The following THSD7A variants were observed in gnomAD, a reference collection of about 807,000 sequenced individuals.
THSD7A encodes thrombospondin type-1 domain-containing protein 7A.
In THSD7A, 96 loss-of-function variants were observed where a neutral mutation model predicts 231.3. The observed-to-expected ratio is 0.41, with a 90% CI of 0.35 to 0.49. The LOEUF (loss-of-function observed/expected upper bound fraction) is 0.49, where lower values mean the gene tolerates loss of function less well. Among genes scored for constraint, THSD7A ranks in the 20% least tolerant of loss-of-function variants. The pLI, the probability that THSD7A is intolerant of heterozygous loss-of-function variation, is 0.05. For synonymous variants in THSD7A, 940 were observed against 743.3 expected, an observed-to-expected ratio of 1.26 and a Z score of -4.30; for missense variants, 2,290 against 2,070.2, an observed-to-expected ratio of 1.11 and a Z score of -2.06.
In THSD7A at chr7:11,814,361, A is replaced by G. The variant is rs1206159849; in HGVS notation, c.190+17396T>C. 6.6e-6 allele frequency among the ~76,000 whole-genome samples: 1 copy of G among 152,210 alleles called. No individual in the cohort carries two copies. The highest frequency in any genetic ancestry group is 1.5e-5 in the Non-Finnish European group (1 of 68,038). On this transcript the variant is annotated intron_variant, in intron 1 of 27. Coordinates refer to ENST00000423059, the MANE Select transcript of THSD7A (RefSeq NM_015204.3). The surrounding 1 kb of genome is among the most constrained non-coding windows in gnomAD (Gnocchi z 5.1). ...AGCACGTGACAAACAAAGGAGATTC[A>G]TCTCATTTATAATAACATGGCACAA...
intron 1 of THSD7A, among the ~76,000 whole-genome samples, chr7:11,683,150 C>T (rs760190560): frequency 2.0e-5 from 3 of 150,702 alleles, no homozygotes; most frequent in Non-Finnish European, 4.4e-5. Flanking sequence ...AAAATCATGC[C>T]AAGCATATTC....
In THSD7A at chr7:11,417,715, C is replaced by T. The variant is rs190255170; in HGVS notation, c.3384-112G>A. 186 of 1,078,524 alleles carry T rather than the reference C, an allele frequency of 1.7e-4. No homozygotes were observed. The African/African-American group carries it at 2.6e-3, about 15-fold the overall frequency. The allele number at this position is 1,078,524 out of a possible 1,614,324, so 66.8% of individuals were successfully genotyped here. A position where few individuals can be genotyped will look rare whatever the true frequency, so the allele number is the denominator to read the frequency against. On this transcript the variant is annotated intron_variant, in intron 16 of 27. Transcript: ENST00000423059. ...GGACAGATGGTTCTCCTTAAGACAT[C>T]GTTATGGGGGTGGGGAGTAGGAAGC... is the stretch of plus-strand genomic sequence containing the variant.
rs74837781 is a variant in THSD7A, at chr7:11,620,985, C to T, written c.1022+15145G>A. On this transcript the variant is annotated intron_variant, in intron 2 of 27. Transcript: ENST00000423059. Reference sequence around the variant, plus strand: ...GCTCCCTCGGCTCTAGACTACCAGCCTCATAATGAAATGGGAGGTAAAATG... The same window carrying T: ...GCTCCCTCGGCTCTAGACTACCAGCTTCATAATGAAATGGGAGGTAAAATG... Among the ~76,000 whole-genome samples, 525 of 152,246 alleles carry T rather than the reference C, an allele frequency of 3.4e-3. 2 individuals are homozygous for T. Among genetic ancestry groups the T allele is most frequent in the African/African-American group, 0.011 (475 of 41,546 alleles).
chr7:11,462,759 T>C (rs1280690227), intron 9 of THSD7A, among the ~76,000 whole-genome samples: 4 of 152,092 alleles, frequency 2.6e-5, no homozygotes, highest in Admixed American at 1.3e-4. Flanking sequence ...ACAGACTTTT[T>C]AGAGAAGCAG....
rs1782319561 is a variant in THSD7A, at chr7:11,377,426, A to G, written c.4802-769T>C. On this transcript the variant is annotated intron_variant, in intron 26 of 27. Coordinates refer to ENST00000423059, the MANE Select transcript of THSD7A (RefSeq NM_015204.3). The surrounding 1 kb of genome is among the most constrained non-coding windows in gnomAD (Gnocchi z 4.5). Reference sequence around the variant, plus strand: ...GCTAATTTAATTTGATCCTCACATCAACATATATTTTCTGTTGCAATTAAA... The same window carrying G: ...GCTAATTTAATTTGATCCTCACATCGACATATATTTTCTGTTGCAATTAAA... 6.6e-6 allele frequency among the ~76,000 whole-genome samples: 1 copy of G among 152,092 alleles called. No homozygotes were observed. The highest frequency in any genetic ancestry group is 2.4e-5 in the African/African-American group (1 of 41,442).
chr7:11,573,451 A>C (rs1340876882), intron 4 of THSD7A, among the ~76,000 whole-genome samples: 1 of 151,958 alleles, frequency 6.6e-6, no homozygotes, highest in East Asian at 1.9e-4. Flanking sequence ...TCTTGTCTTC[A>C]CCTCCCTCTG....
At position 11,586,710 on chromosome 7, in the gene THSD7A, G is replaced by C. The variant is rs543746013; in HGVS notation, c.1453+3750C>G. Among the ~76,000 whole-genome samples the C allele has an allele frequency of 1.2e-4, 19 of 152,192 alleles. No homozygotes were observed. In the South Asian group the frequency reaches 3.9e-3, roughly 32 times the overall value. Reference sequence around the variant, plus strand: ...TGATAAATAATTTACTTTCCATTTAGCAATGGTGTGACTATTTTATTTTCT... The same window carrying C: ...TGATAAATAATTTACTTTCCATTTACCAATGGTGTGACTATTTTATTTTCT... On this transcript the variant is annotated intron_variant, in intron 4 of 27. Coordinates refer to ENST00000423059, the MANE Select transcript of THSD7A (RefSeq NM_015204.3).
chr7:11,518,295 C>A (rs905803671), intron 6 of THSD7A, among the ~76,000 whole-genome samples: 1 of 152,062 alleles, frequency 6.6e-6, no homozygotes, highest in Admixed American at 6.6e-5. Context: ...TTCTGATATG[C>A]AAGGGGAAAG....
intron 1 of THSD7A, among the ~76,000 whole-genome samples, chr7:11,782,937 T>C (rs1342936622): frequency 6.6e-6 from 1 of 152,178 alleles, no homozygotes; most frequent in Non-Finnish European, 1.5e-5. Context: ...ACAAACTGTG[T>C]TTTTTGTTTG....
intron 1 of THSD7A, among the ~76,000 whole-genome samples, chr7:11,824,898 C>T (rs1784980217): frequency 6.6e-6 from 1 of 151,736 alleles, no homozygotes; most frequent in Admixed American, 6.6e-5. Flanking sequence ...TGAGAAATAC[C>T]CTGAGATACA....
chr7:11,457,751 A>T (rs1785355766), intron 11 of THSD7A, among the ~76,000 whole-genome samples: 1 of 152,088 alleles, frequency 6.6e-6, no homozygotes, highest in African/African-American at 2.4e-5. Flanking sequence ...CTGTGAACAC[A>T]TTTAATGTTT....
At chr7:11,752,286 A>C (rs1415417497) in intron 1 of THSD7A, among the ~76,000 whole-genome samples, 1 of 152,042 alleles carries the variant, frequency 6.6e-6, no homozygotes, top group Non-Finnish European at 1.5e-5. Flanking sequence ...ACATGCACAC[A>C]GTGCCTCAGT....
At chr7:11,536,478 T>C (rs529044438) in intron 6 of THSD7A, among the ~76,000 whole-genome samples, 1 of 152,300 alleles carries the variant, frequency 6.6e-6, no homozygotes, top group African/African-American at 2.4e-5. Flanking sequence ...TGGAAGTTTC[T>C]GGGACTCATC....
rs899086396 is a variant in THSD7A at position 11,831,168 on chromosome 7, C to T, written c.190+589G>A. On this transcript the variant is annotated intron_variant, in intron 1 of 27. Transcript: ENST00000423059. This position sits in a 1 kb window ranked among gnomAD's most constrained non-coding sequence, Gnocchi z 5.0. ...AAGGAAGAGAAAGTTTGAACCCAGA[C>T]ATCCTAAAAGTTGTACACTTTAAAA... Among the ~76,000 whole-genome samples the T allele has an allele frequency of 1.3e-5, 2 of 152,200 alleles. No homozygotes were observed. Among genetic ancestry groups the T allele is most frequent in the African/African-American group, 4.8e-5 (2 of 41,452 alleles).
At chr7:11,823,752 T>C (rs1049584914) in intron 1 of THSD7A, among the ~76,000 whole-genome samples, 1 of 152,070 alleles carries the variant, frequency 6.6e-6, no homozygotes, top group Non-Finnish European at 1.5e-5. Flanking sequence ...CTTTCTCAGC[T>C]AGATCATTAT....
intron 11 of THSD7A, among the ~76,000 whole-genome samples, chr7:11,447,939 G>A (rs1023632136): frequency 7.2e-5 from 11 of 152,102 alleles, no homozygotes; most frequent in African/African-American, 2.4e-4. Context: ...TCAGGAAGGT[G>A]TGCTTATAGA....
intron 4 of THSD7A, among the ~76,000 whole-genome samples, chr7:11,556,459 A>G (rs779878840): frequency 1.3e-5 from 2 of 151,874 alleles, no homozygotes; most frequent in East Asian, 1.9e-4. Context: ...TTTTAGAATC[A>G]TATCAGGTAG....
chr7:11,636,096 A>G lies in THSD7A; in HGVS notation c.1022+34T>C. The G allele has an allele frequency of 6.4e-7, 1 of 1,554,520 alleles. No individual in the cohort carries two copies. Among genetic ancestry groups the G allele is most frequent in the Non-Finnish European group, 8.8e-7 (1 of 1,142,428 alleles). The stretch of plus-strand genomic sequence containing the variant: ...TAGGTACTCATGATTCTTGACAGAC[A>G]AGCCTGTGTAGTTAACAGTAATTAA... On this transcript the variant is annotated intron_variant, in intron 2 of 27. Transcript: ENST00000423059. The surrounding 1 kb of genome is among the most constrained non-coding windows in gnomAD (Gnocchi z 10.0).
Position 11,406,217 on chromosome 7 carries a change from C to G in THSD7A, c.4237+83G>C. 3 of 1,379,400 alleles carry G rather than the reference C, an allele frequency of 2.2e-6. 1 individual carries two copies. Among genetic ancestry groups the G allele is most frequent in the Non-Finnish European group, 3.0e-6 (3 of 1,007,958 alleles). 85.4% of individuals were successfully genotyped at this position (1,379,400 alleles called of 1,614,324 possible). A position where few individuals can be genotyped will look rare whatever the true frequency, so the allele number is the denominator to read the frequency against. ...TAAGAAGACTGTTGACATCCTGTAA[C>G]TTATACTTTATATGCAACCCCTTCA... On this transcript the variant is annotated intron_variant, in intron 22 of 27. Coordinates refer to ENST00000423059, the MANE Select transcript of THSD7A (RefSeq NM_015204.3). This position sits in a 1 kb window ranked among gnomAD's most constrained non-coding sequence, Gnocchi z 4.7.
Sources: allele counts gnomAD v4.1 joint callset (sites outside exome capture counted in the v4.1 genomes callset), GRCh38; gene constraint gnomAD v4.1.1; non-coding constraint Gnocchi (gnomAD v3.1); transcripts MANE v1.5; gene names NCBI Gene and HGNC (gene_info 2026-07-23, HGNC 2026-07-21).